Variants in ARL13B observed in about 807,000 individuals in gnomAD.
The protein encoded by ARL13B is ARF like GTPase 13B.
A neutral mutation model predicts 56.1 loss-of-function variants in ARL13B; 36 were observed. The observed-to-expected ratio is 0.64, with a 90% confidence interval of 0.49 to 0.85. The LOEUF is 0.85. Among genes scored for constraint, ARL13B ranks in the 40% least tolerant of loss-of-function variants. The pLI is 0.00. For synonymous variants in ARL13B, 178 were observed against 171.1 expected (o/e 1.04, Z -0.32); for missense variants, 519 against 507.1 (o/e 1.02, Z -0.23).
In ARL13B at chr3:93,985,001, C is replaced by A. The variant is rs1293529363; in HGVS notation, c.59+4519C>A. Among the ~76,000 whole-genome samples the A allele has an allele frequency of 2.1e-5, 3 of 142,692 alleles. 1 individual carries two copies. The highest frequency in any genetic ancestry group is 4.4e-4 in the East Asian group (2 of 4,570). The allele number at this position is 142,692 out of a possible 152,430, so 93.6% of individuals were successfully genotyped here. ...GCCTAGCCTGGGTGACAAAGTGAAA[C>A]CCTGTCTCAATCAATCAATCAATCA... On this transcript the variant is annotated intron_variant, in intron 1 of 9. Transcript: ENST00000394222.
chr3:93,985,561 T>C (rs1710419530), intron 1 of ARL13B, among the ~76,000 whole-genome samples: 1 of 152,216 alleles, frequency 6.6e-6, no homozygotes, highest in African/African-American at 2.4e-5. Context: ...ATATAACTTC[T>C]TATATATTAT....
chr3:94,043,323 T>G, intron 7 of ARL13B, 83 bp downstream of exon 7: 1 of 1,250,190 alleles, frequency 8.0e-7, no homozygotes, highest in South Asian at 1.4e-5. Flanking sequence ...TATGTTTGTT[T>G]TTACAAACGA....
chr3:93,987,917 A>G (rs768104235), intron 1 of ARL13B, among the ~76,000 whole-genome samples: 2 of 152,092 alleles, frequency 1.3e-5, no homozygotes, highest in Non-Finnish European at 2.9e-5. Context: ...AAGTGCTGTG[A>G]TTATAGGTGT....
intron 5 of ARL13B, among the ~76,000 whole-genome samples, chr3:94,038,979 G>A (rs144103892): frequency 6.6e-6 from 1 of 152,098 alleles, no homozygotes; most frequent in Admixed American, 6.5e-5. Context: ...CACTATTATG[G>A]AAGTTATTAT....
chr3:94,035,883 G>A (rs906573941), intron 4 of ARL13B, among the ~76,000 whole-genome samples: 1 of 152,056 alleles, frequency 6.6e-6, no homozygotes, highest in African/African-American at 2.4e-5. Context: ...ACCAACCTGG[G>A]CAACATAGTG....
Position 94,043,041 on chromosome 3 carries a change from A to G in ARL13B, c.825A>G (p.Lys275=), listed in dbSNP as rs755157987. The G allele has an allele frequency of 1.2e-6, 2 of 1,610,822 alleles. No individual in the cohort carries two copies. Among genetic ancestry groups the G allele is most frequent in the East Asian group, 2.2e-5 (1 of 44,818 alleles). The change falls in exon 7 of 10, where the codon AAA becomes AAG. Residue 275 remains lysine (K), a synonymous_variant. Coordinates refer to ENST00000394222, the MANE Select transcript of ARL13B (RefSeq NM_001174150.2). The stretch of plus-strand genomic sequence containing the variant: ...ATGAAGGAAAACTTGAAAGAGAGAA[A>G]AAAAACCAAAAAATGGAGAAAGACA... ...IENEGKLERE[K]KNQKMEKDSD... is the part of the protein sequence containing the mutation.
At chr3:94,026,070 A>C (rs1028403406) in intron 3 of ARL13B, among the ~76,000 whole-genome samples, 1 of 144,274 alleles carries the variant, frequency 6.9e-6, no homozygotes, top group African/African-American at 2.6e-5. Flanking sequence ...CCCAGGCTGG[A>C]GTGCAGTGGC....
chr3:94,039,896 G>A lies in ARL13B; in HGVS notation c.706G>A (p.Glu236Lys). The change falls in exon 6 of 10, where the codon GAG (glutamate) becomes AAG (lysine). Residue 236 changes from glutamate (E) to lysine (K), a missense_variant. Physicochemically the swap from Glu to Lys is moderately conservative, Grantham distance 56 (BLOSUM62 1). Coordinates refer to ENST00000394222, the MANE Select transcript of ARL13B (RefSeq NM_001174150.2). ...AAACGATAGAAAACAAAATGAACAG[G>A]AGCAGGCTGAACTCGATGGAACCAG... ...LREERKQNEQ[E>K]QAELDGTSGL... The A allele has an allele frequency of 1.9e-6, 3 of 1,613,950 alleles. No individual in the cohort carries two copies. The highest frequency in any genetic ancestry group is 2.5e-6 in the Non-Finnish European group (3 of 1,179,958).
intron 3 of ARL13B, among the ~76,000 whole-genome samples, chr3:94,033,783 C>T (rs1453405351): frequency 1.3e-5 from 2 of 152,054 alleles, no homozygotes; most frequent in Non-Finnish European, 2.9e-5. Flanking sequence ...ATACAAGCAC[C>T]ACCTACGAAG....
chr3:94,019,119 C>T (rs2106982489), intron 3 of ARL13B, among the ~76,000 whole-genome samples: 1 of 152,098 alleles, frequency 6.6e-6, no homozygotes, highest in East Asian at 1.9e-4. Flanking sequence ...CACAGCAAAT[C>T]TTGTCAACAT....
chr3:94,015,297 T>G (rs1157289809), intron 3 of ARL13B: 3 of 1,499,524 alleles, frequency 2.0e-6, no homozygotes, highest in South Asian at 2.8e-5. Flanking sequence ...GAAGCAAAAA[T>G]TTTTGTGTTG....
intron 2 of ARL13B, 27 bp downstream of exon 2, chr3:93,995,971 C>G: frequency 6.2e-7 from 1 of 1,600,970 alleles, no homozygotes; most frequent in South Asian, 1.1e-5. Flanking sequence ...TATGTGCTTT[C>G]TGAACTCTAT....
chr3:94,040,631 C>T (rs2076845424), intron 6 of ARL13B, among the ~76,000 whole-genome samples: 1 of 149,206 alleles, frequency 6.7e-6, no homozygotes, highest in African/African-American at 2.5e-5. Flanking sequence ...AGCGATGCCT[C>T]TTCTGAGGCA....
intron 3 of ARL13B, among the ~76,000 whole-genome samples, chr3:94,006,780 T>A (rs923575145): frequency 1.3e-5 from 2 of 152,236 alleles, no homozygotes; most frequent in African/African-American, 4.8e-5. Context: ...CATAGTTCCA[T>A]GCAGATAAGA....
chr3:94,044,989 G>A (rs951833703), intron 7 of ARL13B, among the ~76,000 whole-genome samples: 6 of 152,222 alleles, frequency 3.9e-5, no homozygotes. Context: ...GACGATGGCG[G>A]TTTTGTCGAA....
intron 3 of ARL13B, among the ~76,000 whole-genome samples, chr3:94,010,411 C>G (rs1241794888): frequency 6.6e-6 from 1 of 151,968 alleles, no homozygotes; most frequent in Non-Finnish European, 1.5e-5. Context: ...AATTCAAGCT[C>G]TATGAAGCTT....
At chr3:94,034,693 G>T (rs1329464209) in intron 3 of ARL13B, among the ~76,000 whole-genome samples, 2 of 152,046 alleles carry the variant, frequency 1.3e-5, no homozygotes, top group African/African-American at 4.8e-5. Flanking sequence ...AAGAAGATAA[G>T]AATATAATTT....
chr3:94,030,537 A>T (rs2076657924), intron 3 of ARL13B, among the ~76,000 whole-genome samples: 1 of 152,042 alleles, frequency 6.6e-6, no homozygotes, highest in Non-Finnish European at 1.5e-5. Flanking sequence ...CAGCCGATAT[A>T]AATATTTTAG....
At chr3:93,983,701 C>T (rs548538038) in intron 1 of ARL13B, among the ~76,000 whole-genome samples, 2 of 151,604 alleles carry the variant, frequency 1.3e-5, no homozygotes, top group Admixed American at 1.3e-4. Flanking sequence ...ACTTTTTTTC[C>T]TTGCGCATTT....
Sources: allele counts gnomAD v4.1 joint callset (sites outside exome capture counted in the v4.1 genomes callset), GRCh38; gene constraint gnomAD v4.1.1; transcripts MANE v1.5; gene names NCBI Gene and HGNC (gene_info 2026-07-23, HGNC 2026-07-21).